Variants in PARD3 observed in about 807,000 individuals in gnomAD.
PARD3 encodes partitioning defective 3 homolog.
Under a neutral mutation model 155.4 loss-of-function variants are expected in PARD3, and 75 were observed. That is an observed-to-expected ratio of 0.48 (90% CI 0.40 to 0.58). PARD3 has a LOEUF of 0.58. Among genes scored for constraint, PARD3 ranks in the 20% least tolerant of loss-of-function variants. The pLI, the probability that PARD3 is intolerant of heterozygous loss-of-function variation, is 0.00. For missense variants in PARD3, 1,642 were observed against 1,721.7 expected (o/e 0.95, Z 0.82); for synonymous variants, 576 against 610.5 (o/e 0.94, Z 0.83).
intron 1 of PARD3, among the ~76,000 whole-genome samples, chr10:34,748,147 G>A (rs1056084667): frequency 7.9e-5 from 12 of 152,160 alleles, no homozygotes; most frequent in African/African-American, 1.7e-4. Flanking sequence ...CTCAGCCACC[G>A]GAACCCCTCC....
chr10:34,460,661 G>C (rs1008469583), intron 4 of PARD3, among the ~76,000 whole-genome samples: 1 of 151,878 alleles, frequency 6.6e-6, no homozygotes, highest in Non-Finnish European at 1.5e-5. Context: ...GTGAAACCCC[G>C]TCTCTACTAA....
intron 2 of PARD3, among the ~76,000 whole-genome samples, chr10:34,668,112 T>C (rs2093533461): frequency 6.6e-6 from 1 of 152,008 alleles, no homozygotes; most frequent in Non-Finnish European, 1.5e-5. Context: ...GGTTCGTAAA[T>C]GCAAGAAAAA....
At chr10:34,614,192 C>A (rs1405552218) in intron 2 of PARD3, among the ~76,000 whole-genome samples, 3 of 152,064 alleles carry the variant, frequency 2.0e-5, no homozygotes, top group African/African-American at 7.2e-5. Flanking sequence ...TAATGTGAGG[C>A]CAATGACCTC....
intron 4 of PARD3, among the ~76,000 whole-genome samples, chr10:34,469,270 C>T (rs1459466972): frequency 6.6e-6 from 1 of 152,156 alleles, no homozygotes; most frequent in Non-Finnish European, 1.5e-5. Flanking sequence ...GCCAGCACAC[C>T]TGGCTAATTT....
intron 5 of PARD3, among the ~76,000 whole-genome samples, chr10:34,413,138 TATATATAC>T (rs1340079593): frequency 3.5e-4 from 33 of 93,608 alleles, no homozygotes; most frequent in African/African-American, 3.3e-4. Context: ...GTACTTCAGA[TATATATAC>T]ACACACACAC....
chr10:34,350,138 A>C (rs954955674), intron 14 of PARD3, among the ~76,000 whole-genome samples: 1 of 152,256 alleles, frequency 6.6e-6, no homozygotes, highest in Non-Finnish European at 1.5e-5. Flanking sequence ...TTCTTTTAAA[A>C]AAACTGATTG....
intron 5 of PARD3, among the ~76,000 whole-genome samples, chr10:34,432,375 C>CACACACACAG (rs1247071747): frequency 1.4e-5 from 2 of 139,594 alleles, no homozygotes; most frequent in African/African-American, 5.2e-5. Flanking sequence ...CACACACACA[C>CACACACACAG]AGAGGAGTAA....
At chr10:34,326,874 C>T (rs896350040) in intron 19 of PARD3, among the ~76,000 whole-genome samples, 1 of 152,124 alleles carries the variant, frequency 6.6e-6, no homozygotes, top group Non-Finnish European at 1.5e-5. Flanking sequence ...TTCATGTTTG[C>T]AAGGCACAAA....
chr10:34,741,174 A>ATTTTTTTTTTTTTTTTTTTTTTTTTTTT (rs71033345), intron 1 of PARD3, among the ~76,000 whole-genome samples: 2 of 114,282 alleles, frequency 1.8e-5, no homozygotes, highest in Non-Finnish European at 1.7e-5. Flanking sequence ...CGTAAACCAA[A>ATTTTTTTTTTTTTTTTTTTTTTTTTTTT]TTTTTTTTTT....
At chr10:34,405,588 G>A (rs2132244579) in intron 5 of PARD3, among the ~76,000 whole-genome samples, 1 of 152,286 alleles carries the variant, frequency 6.6e-6, no homozygotes, top group South Asian at 2.1e-4. Context: ...TTTGTGGGGT[G>A]GTGGTTGAAG....
At chr10:34,566,675 T>C (rs1490986662) in intron 2 of PARD3, among the ~76,000 whole-genome samples, 1 of 152,206 alleles carries the variant, frequency 6.6e-6, no homozygotes, top group Non-Finnish European at 1.5e-5. Flanking sequence ...TCTTTTGCTT[T>C]TACAATAGAA....
At chr10:34,470,566 C>T (rs1029042613) in intron 3 of PARD3, among the ~76,000 whole-genome samples, 2 of 152,074 alleles carry the variant, frequency 1.3e-5, no homozygotes, top group Non-Finnish European at 2.9e-5. Context: ...TAGTCCTTTC[C>T]AACTCAAATG....
intron 2 of PARD3, among the ~76,000 whole-genome samples, chr10:34,586,695 C>T (rs964437808): frequency 3.3e-5 from 5 of 152,130 alleles, no homozygotes; most frequent in African/African-American, 1.2e-4. Context: ...GCCTGTAATC[C>T]CAACACTTTG....
chr10:34,749,174 T>C (rs971777309), intron 1 of PARD3, among the ~76,000 whole-genome samples: 10 of 152,244 alleles, frequency 6.6e-5, no homozygotes, highest in Non-Finnish European at 1.3e-4. Flanking sequence ...AATATAGCAG[T>C]CACATGTTCT....
At chr10:34,126,995 G>C (rs932289770) in intron 23 of PARD3, among the ~76,000 whole-genome samples, 1 of 151,682 alleles carries the variant, frequency 6.6e-6, no homozygotes, top group Non-Finnish European at 1.5e-5. Flanking sequence ...ATAATAATGT[G>C]GTCCATGACC....
At chr10:34,606,317 A>T (rs1392323929) in intron 2 of PARD3, among the ~76,000 whole-genome samples, 1 of 150,948 alleles carries the variant, frequency 6.6e-6, no homozygotes, top group Non-Finnish European at 1.5e-5. Flanking sequence ...CAGTATAGGC[A>T]CCACAAACTC....
At chr10:34,134,529 G>A (rs1372561501) in intron 22 of PARD3, among the ~76,000 whole-genome samples, 1 of 152,224 alleles carries the variant, frequency 6.6e-6, no homozygotes, top group Non-Finnish European at 1.5e-5. Context: ...TATCCTCAAT[G>A]TTAAATTCTG....
At chr10:34,333,205 A>C (rs1835802074) in intron 18 of PARD3, among the ~76,000 whole-genome samples, 1 of 152,116 alleles carries the variant, frequency 6.6e-6, no homozygotes, top group African/African-American at 2.4e-5. Context: ...TTCCAGAAAA[A>C]ATTCTCATAA....
intron 1 of PARD3, among the ~76,000 whole-genome samples, chr10:34,715,328 T>C (rs1216629345): frequency 6.6e-6 from 1 of 152,142 alleles, no homozygotes; most frequent in East Asian, 1.9e-4. Flanking sequence ...TCCTCCTGCC[T>C]CGGATTCCCA....
Sources: gnomAD v4.1 joint callset for allele counts (sites outside exome capture counted in the v4.1 genomes callset) on GRCh38, gnomAD v4.1.1 for gene constraint, MANE v1.5 for transcripts, NCBI Gene and HGNC (gene_info 2026-07-23, HGNC 2026-07-21) for gene names.